The following CTSW variants were observed in gnomAD, a reference collection of about 807,000 sequenced individuals.
CTSW encodes the protein cathepsin W.
A neutral mutation model predicts 43.8 loss-of-function variants in CTSW; 42 were observed. The observed-to-expected ratio is 0.96, with a 90% CI of 0.75 to 1.24. The LOEUF is 1.24. Ranked by LOEUF, CTSW falls within the 50% of genes most tolerant of loss-of-function variation. The pLI, the probability that CTSW is intolerant of heterozygous loss-of-function variation, is 0.00. For synonymous variants in CTSW, 191 were observed against 184.8 expected, an observed-to-expected ratio of 1.03 and a Z score of -0.27; for missense variants, 475 against 479.9, an observed-to-expected ratio of 0.99 and a Z score of 0.09.
At position 65,882,664 on chromosome 11, in the gene CTSW, C is replaced by T. The variant is rs755315668; in HGVS notation, c.594C>T (p.Asp198=). The change falls in exon 6 of 10, where the codon GAC becomes GAT. Residue 198 remains aspartate (D), a synonymous_variant. Coordinates refer to ENST00000307886, the MANE Select transcript of CTSW (RefSeq NM_001335.4). The part of the protein sequence containing the change: ...GDGCHGGFVW[D]AFITVLNNSG... Reference sequence around the variant, plus strand: ...GCTGCCACGGTGGCTTCGTCTGGGACGCGTTCATAACTGTCCTCAACAACA... The same window carrying T: ...GCTGCCACGGTGGCTTCGTCTGGGATGCGTTCATAACTGTCCTCAACAACA... The T allele has an allele frequency of 4.8e-5, 78 of 1,613,940 alleles. No homozygotes were observed. The highest frequency in any genetic ancestry group is 6.1e-5 in the Non-Finnish European group (72 of 1,180,036).
rs372733854 is a variant in CTSW, at chr11:65,883,606, C to G, written c.1119C>G (p.Ser373=). The change falls in exon 10 of 10, where the codon TCC becomes TCG. Residue 373 remains serine (S), a synonymous_variant. Coordinates refer to ENST00000307886, the MANE Select transcript of CTSW (RefSeq NM_001335.4). The stretch of plus-strand genomic sequence containing the variant: ...AACCGGATATGAAGCCCCGAGTCTC[C>G]TGCCCTCCCTGAACCCACCTGGCCC... ...VQKPDMKPRV[S]CPP is the part of the protein sequence containing the mutation. The G allele has an allele frequency of 7.4e-6, 12 of 1,613,684 alleles. No individual in the cohort carries two copies. Among genetic ancestry groups the G allele is most frequent in the Non-Finnish European group, 1.0e-5 (12 of 1,179,766 alleles).
Position 65,883,569 on chromosome 11 carries a change from C to A in CTSW, c.1082C>A (p.Ala361Asp), listed in dbSNP as rs115991011. 264 of 1,614,128 alleles carry A rather than the reference C, an allele frequency of 1.6e-4. No homozygotes were observed. In the East Asian group the frequency reaches 5.7e-3, roughly 35 times the overall value. Residue 361 changes from alanine (A) to aspartate (D), a missense_variant, in exon 10 of 10, where the codon GCC becomes GAC. Coordinates refer to ENST00000307886, the MANE Select transcript of CTSW (RefSeq NM_001335.4). Reference protein sequence around the residue: ...TCGITKFPLTARVQKPDMKPR... With the variant: ...TCGITKFPLTDRVQKPDMKPR... Reference sequence around the variant, plus strand: ...GGCATCACCAAGTTCCCGCTCACTGCCCGTGTGCAGAAACCGGATATGAAG... The same window carrying A: ...GGCATCACCAAGTTCCCGCTCACTGACCGTGTGCAGAAACCGGATATGAAG...
chr11:65,883,507 G>C lies in CTSW; in HGVS notation c.1021-1G>C, dbSNP rs35386215. ...CGCCCCTATGTCCCCTAACCTCCTA[G>C]GGCTATTTCCGGCTGCACCGAGGGA... On this transcript the variant is annotated splice_acceptor_variant, in intron 9 of 9. Transcript: ENST00000307886. LOFTEE classifies it high-confidence loss of function. 6.6e-4 allele frequency: 1,069 copies of C among 1,613,514 alleles called. 11 individuals carry two copies. The Admixed American group carries it at 0.015, about 22-fold the overall frequency.
At chr11:65,880,800 G>A (rs777953527) in intron 2 of CTSW, among the ~76,000 whole-genome samples, 4 of 152,144 alleles carry the variant, frequency 2.6e-5, no homozygotes, top group Non-Finnish European at 5.9e-5. Flanking sequence ...GTGGGGTCCT[G>A]CCCTAGTCCT....
At position 65,883,682 on chromosome 11, in the gene CTSW, A is replaced by G. The variant is rs929809581; in HGVS notation, c.*64A>G. On this transcript the variant is annotated 3_prime_UTR_variant, in exon 10 of 10. Coordinates refer to ENST00000307886, the MANE Select transcript of CTSW (RefSeq NM_001335.4). ...CTGCCTCCTTGCCAGCCCCACCCCC[A>G]GGTTTTTGCCCATCCTCCCAATCTC... The G allele has an allele frequency of 1.1e-5, 17 of 1,482,244 alleles. No individual in the cohort carries two copies. The highest frequency in any genetic ancestry group is 4.2e-5 in the African/African-American group (3 of 72,188). The allele number at this position is 1,482,244 out of a possible 1,614,324, so 91.8% of individuals were successfully genotyped here. A position where few individuals can be genotyped will look rare whatever the true frequency, so the allele number is the denominator to read the frequency against.
rs777655728 is a variant in CTSW at position 65,883,700 on chromosome 11, C to T, written c.*82C>T. 60 of 1,278,698 alleles carry T rather than the reference C, an allele frequency of 4.7e-5. No individual in the cohort carries two copies. The highest frequency in any genetic ancestry group is 6.6e-5 in the Non-Finnish European group (59 of 891,086). 79.2% of individuals were successfully genotyped at this position (1,278,698 alleles called of 1,614,324 possible). A position where few individuals can be genotyped will look rare whatever the true frequency, so the allele number is the denominator to read the frequency against. ...CACCCCCAGGTTTTTGCCCATCCTC[C>T]CAATCTCAATACAGCCTGAATAAAC... On this transcript the variant is annotated 3_prime_UTR_variant, in exon 10 of 10. Transcript: ENST00000307886.
Position 65,882,607 on chromosome 11 carries a change from A to C in CTSW, c.539-2A>C. ...CACCCACACTGTCCCTTCTTGCACCAGAACTGCTGGACTGTGGCCGCTGTG... is the reference window on the plus strand; with the variant it reads ...CACCCACACTGTCCCTTCTTGCACCCGAACTGCTGGACTGTGGCCGCTGTG... On this transcript the variant is annotated splice_acceptor_variant, in intron 5 of 9. Coordinates refer to ENST00000307886, the MANE Select transcript of CTSW (RefSeq NM_001335.4). LOFTEE classifies it high-confidence loss of function. 6.2e-7 allele frequency: 1 copy of C among 1,614,188 alleles called. No individual in the cohort carries two copies. Among genetic ancestry groups the C allele is most frequent in the Non-Finnish European group, 8.5e-7 (1 of 1,180,050 alleles).
chr11:65,883,514 T>C lies in CTSW; in HGVS notation c.1027T>C (p.Phe343Leu). ...WGAQWGEKGYFRLHRGSNTCG... is the reference protein window; with the variant it reads ...WGAQWGEKGYLRLHRGSNTCG... ...ATGTCCCCTAACCTCCTAGGGCTATTTCCGGCTGCACCGAGGGAGCAATAC... is the reference window on the plus strand; with the variant it reads ...ATGTCCCCTAACCTCCTAGGGCTATCTCCGGCTGCACCGAGGGAGCAATAC... Residue 343 changes from phenylalanine to leucine, a missense_variant, in exon 10 of 10, where the codon TTC (phenylalanine) becomes CTC (leucine). Transcript: ENST00000307886. 1 of 1,613,776 alleles carries C rather than the reference T, an allele frequency of 6.2e-7. No individual in the cohort carries two copies. The highest frequency in any genetic ancestry group is 8.5e-7 in the Non-Finnish European group (1 of 1,179,718).
chr11:65,880,356 T>C, intron 2 of CTSW, 70 bp downstream of exon 2: 4 of 1,287,836 alleles, frequency 3.1e-6, no homozygotes, highest in Non-Finnish European at 4.4e-6. Flanking sequence ...AGTTTCACTC[T>C]TGTTGACCAG....
In CTSW at chr11:65,883,725, C is replaced by T; in HGVS notation, c.*107C>T. The T allele has an allele frequency of 9.7e-7, 1 of 1,032,200 alleles. No homozygotes were observed. Among genetic ancestry groups the T allele is most frequent in the Admixed American group, 2.0e-5 (1 of 50,826 alleles). 63.9% of individuals were successfully genotyped at this position (1,032,200 alleles called of 1,614,324 possible). ...CCAATCTCAATACAGCCTGAATAAA[C>T]CAAGACAAGACCTCTGGCTTGTGAG... On this transcript the variant is annotated 3_prime_UTR_variant, in exon 10 of 10. Transcript: ENST00000307886.
At chr11:65,880,725 T>G (rs951782205) in intron 2 of CTSW, 2 of 181,052 alleles carry the variant, frequency 1.1e-5, no homozygotes, top group African/African-American at 4.8e-5. Flanking sequence ...GTTCCCTGGT[T>G]TCCCGAAGGC....
chr11:65,880,753 C>T (rs1322295373), intron 2 of CTSW: 1 of 165,512 alleles, frequency 6.0e-6, no homozygotes, highest in Non-Finnish European at 1.3e-5. Flanking sequence ...GGTCCAGGAT[C>T]ATTCTTTGCT....
Position 65,883,611 on chromosome 11 carries a change from C to A in CTSW, c.1124C>A (p.Pro375His), listed in dbSNP as rs1379181683. The A allele has an allele frequency of 6.2e-7, 1 of 1,613,310 alleles. No individual in the cohort carries two copies. The highest frequency in any genetic ancestry group is 1.7e-5 in the Admixed American group (1 of 59,988). ...GATATGAAGCCCCGAGTCTCCTGCC[C>A]TCCCTGAACCCACCTGGCCCCCTCA... ...KPDMKPRVSC[P>H]P The change falls in exon 10 of 10, where the codon CCT (proline) becomes CAT (histidine). Residue 375 changes from proline (P) to histidine (H), a missense_variant. Pro to His is a moderately conservative substitution (Grantham distance 77). Coordinates refer to ENST00000307886, the MANE Select transcript of CTSW (RefSeq NM_001335.4).
rs754965880 is a variant in CTSW, at chr11:65,882,425, T to C, written c.442-5T>C. On this transcript the variant is annotated splice_region_variant and splice_polypyrimidine_tract_variant and intron_variant, in intron 4 of 9. Coordinates refer to ENST00000307886, the MANE Select transcript of CTSW (RefSeq NM_001335.4). ...CTAGCCCCGCCCCACCCTCTCGCCC[T>C]CCAGAAAAACTGCAACTGCTGCTGG... The C allele has an allele frequency of 1.2e-6, 2 of 1,614,074 alleles. No homozygotes were observed. Among genetic ancestry groups the C allele is most frequent in the Admixed American group, 3.3e-5 (2 of 60,020 alleles).
chr11:65,882,128 G>A, intron 3 of CTSW, 47 bp from the exon 4 acceptor site: 6 of 1,603,804 alleles, frequency 3.7e-6, no homozygotes, highest in Non-Finnish European at 5.1e-6. Flanking sequence ...GCAGAACAGG[G>A]AGAAGGGGTC....
chr11:65,883,460 AACAGGCCTCTTC>A, intron 9 of CTSW, 36 bp downstream of exon 9: 1 of 1,612,876 alleles, frequency 6.2e-7, no homozygotes, highest in Non-Finnish European at 8.5e-7. Context: ...GGCAAGGCAG[AACAGGCCTCTTC>A]CCACCTTCCC....
rs200818620 is a variant in CTSW at position 65,880,540 on chromosome 11, T to C, written c.172+254T>C. 13 of 324,110 alleles carry C rather than the reference T, an allele frequency of 4.0e-5. No homozygotes were observed. The East Asian group carries it at 1.2e-3, about 30-fold the overall frequency. The allele number at this position is 324,110 out of a possible 1,614,324, so 20.1% of individuals were successfully genotyped here. On this transcript the variant is annotated intron_variant, in intron 2 of 9. Transcript: ENST00000307886. ...TTGACCATGTTGGCCAGGCTGGTCT[T>C]GAACTCCTGACATCAGGTGATCCGC...
At chr11:65,881,978 C>G (rs937722908) in intron 3 of CTSW, among the ~76,000 whole-genome samples, 197 bp from the exon 4 acceptor site, 5 of 152,188 alleles carry the variant, frequency 3.3e-5, no homozygotes, top group African/African-American at 7.2e-5. Context: ...GAGATGGGGT[C>G]TCGGACTCCT....
In CTSW at chr11:65,882,701, GC is replaced by G; in HGVS notation, c.619+16del. The G allele has an allele frequency of 6.2e-7, 1 of 1,609,782 alleles. No individual in the cohort carries two copies. The highest frequency in any genetic ancestry group is 8.5e-7 in the Non-Finnish European group (1 of 1,179,302). ...TGTCCTCAACAACAGTGAGTGCACT[GC>G]CCCGCCACTCTGGACATCTGCAGGG... On this transcript the variant is annotated intron_variant, in intron 6 of 9. Transcript: ENST00000307886.
Sources: allele counts gnomAD v4.1 joint callset (sites outside exome capture counted in the v4.1 genomes callset), GRCh38; gene constraint gnomAD v4.1.1; transcripts MANE v1.5; gene names NCBI Gene and HGNC (gene_info 2026-07-23, HGNC 2026-07-21).